Variants in LRRC37A2 observed in about 807,000 individuals in gnomAD.
LRRC37A2 encodes leucine rich repeat containing 37 member A2, also known as leucine-rich repeat-containing protein 37A2.
A neutral mutation model predicts 68.8 loss-of-function variants in LRRC37A2; 9 were observed. The observed-to-expected ratio is 0.13, with a 90% CI of 0.08 to 0.23. The LOEUF (loss-of-function observed/expected upper bound fraction) is 0.23. LRRC37A2 is among the 10% of genes least tolerant of loss of function. LRRC37A2 has a pLI of 1.00. For synonymous variants in LRRC37A2, 63 were observed against 367.6 expected (o/e 0.17, Z 9.48); for missense variants, 168 against 950.4 (o/e 0.18, Z 10.82).
chr17:46,605,960 A>AC, the LRRC37A2 span, among the ~76,000 whole-genome samples: 2 of 45,904 alleles, frequency 4.4e-5, no homozygotes, highest in Non-Finnish European at 6.4e-5. Context: ...GATCAGCCTG[A>AC]CCAACATGGA....
chr17:46,986,881 T>TGGAAGGGCA, the LRRC37A2 span, among the ~76,000 whole-genome samples: 29,849 of 151,704 alleles, frequency 0.2, 4,045 homozygotes, highest in East Asian at 0.6. Context: ...CAGATCAGAC[T>TGGAAGGGCA]GGAAGGGCAG....
chr17:46,755,332 G>T, the LRRC37A2 span: 1 of 1,613,730 alleles, frequency 6.2e-7, no homozygotes. Flanking sequence ...TGAATACCGT[G>T]TGAGAAAATT....
At chr17:46,942,700 G>A in the LRRC37A2 span, among the ~76,000 whole-genome samples, 10 of 152,258 alleles carry the variant, frequency 6.6e-5, no homozygotes, top group Non-Finnish European at 1.2e-4. Flanking sequence ...CTCAGGCCTT[G>A]CCCCTAGGGG....
At chr17:46,881,720 G>C in the LRRC37A2 span, among the ~76,000 whole-genome samples, 2 of 152,274 alleles carry the variant, frequency 1.3e-5, no homozygotes, top group Non-Finnish European at 2.9e-5. Context: ...ACAGTCACTA[G>C]GTGGGTACCC....
the LRRC37A2 span, among the ~76,000 whole-genome samples, chr17:46,568,987 G>C: frequency 8.0e-6 from 1 of 124,662 alleles, no homozygotes; most frequent in Admixed American, 8.4e-5. Context: ...CTGTCGCCCA[G>C]GCTGGGGTGC....
At chr17:46,987,481 A>G in the LRRC37A2 span, among the ~76,000 whole-genome samples, 1 of 152,226 alleles carries the variant, frequency 6.6e-6, no homozygotes, top group African/African-American at 2.4e-5. Context: ...ACAATAAGAA[A>G]AAAATTATAT....
chr17:46,897,687 G>A, the LRRC37A2 span, among the ~76,000 whole-genome samples: 1 of 151,888 alleles, frequency 6.6e-6, no homozygotes, highest in East Asian at 1.9e-4. Context: ...GGGTCTCACC[G>A]TCATGTTGCC....
the LRRC37A2 span, chr17:46,924,192 A>C: frequency 4.3e-6 from 1 of 234,022 alleles, no homozygotes; most frequent in Non-Finnish European, 8.2e-6. Context: ...TATTCTAGAT[A>C]CTTAATATAA....
the LRRC37A2 span, among the ~76,000 whole-genome samples, chr17:46,731,111 T>C: frequency 2.6e-5 from 4 of 152,114 alleles, no homozygotes; most frequent in Non-Finnish European, 5.9e-5. Flanking sequence ...ACTAAACATT[T>C]ATCTGATAAA....
At chr17:46,935,337 AGCCTGAAAGT>A in the LRRC37A2 span, 3 of 1,481,246 alleles carry the variant, frequency 2.0e-6, no homozygotes, top group South Asian at 4.2e-5. Flanking sequence ...AGTTATTGTG[AGCCTGAAAGT>A]ACCCAGTTCC....
At chr17:46,804,919 A>AC in the LRRC37A2 span, among the ~76,000 whole-genome samples, 248 of 57,476 alleles carry the variant, frequency 4.3e-3, no homozygotes, top group Middle Eastern at 0.012. Flanking sequence ...CTCCCCGCCC[A>AC]CCCCCCCCAC....
chr17:46,777,335 C>T, the LRRC37A2 span, among the ~76,000 whole-genome samples: 1 of 152,276 alleles, frequency 6.6e-6, no homozygotes. Context: ...TCGGGGGGCC[C>T]ATGCTGGCAA....
At chr17:46,767,179 C>T in the LRRC37A2 span, among the ~76,000 whole-genome samples, 1 of 152,248 alleles carries the variant, frequency 6.6e-6, no homozygotes, top group Middle Eastern at 3.4e-3. Flanking sequence ...GCTGTGGAAC[C>T]CAGGGCCAGT....
chr17:46,794,752 C>CTTTTT, the LRRC37A2 span, among the ~76,000 whole-genome samples: 2 of 129,286 alleles, frequency 1.5e-5, no homozygotes, highest in Admixed American at 8.0e-5. Flanking sequence ...CTTTCTTTTT[C>CTTTTT]TTTTTTTTTT....
the LRRC37A2 span, among the ~76,000 whole-genome samples, chr17:46,888,823 T>C: frequency 6.6e-6 from 1 of 152,308 alleles, no homozygotes; most frequent in African/African-American, 2.4e-5. Context: ...CCTGGTGCTG[T>C]GCAAAATGCT....
the LRRC37A2 span, among the ~76,000 whole-genome samples, chr17:46,761,751 C>G: frequency 6.6e-6 from 1 of 152,236 alleles, no homozygotes; most frequent in Non-Finnish European, 1.5e-5. Flanking sequence ...CTGAATAAAC[C>G]AAAGGTGACA....
the LRRC37A2 span, among the ~76,000 whole-genome samples, chr17:46,845,785 C>CT: frequency 8.5e-3 from 741 of 86,752 alleles, 5 homozygotes; most frequent in African/African-American, 0.011. Context: ...ACTGTGCTGG[C>CT]TTTTTTTTTT....
chr17:46,392,411 C>CTT, the LRRC37A2 span, among the ~76,000 whole-genome samples: 3 of 41,884 alleles, frequency 7.2e-5, no homozygotes, highest in African/African-American at 1.9e-4. Flanking sequence ...TTCTTTCTTT[C>CTT]TCTCTCTCTC....
At chr17:46,862,136 C>A in the LRRC37A2 span, among the ~76,000 whole-genome samples, 1 of 141,394 alleles carries the variant, frequency 7.1e-6, no homozygotes, top group African/African-American at 2.6e-5. Context: ...GCACTGAAGC[C>A]TGGGCAACAA....
Sources: allele counts gnomAD v4.1 joint callset (sites outside exome capture counted in the v4.1 genomes callset), GRCh38; gene constraint gnomAD v4.1.1; transcripts MANE v1.5; gene names NCBI Gene and HGNC (gene_info 2026-07-23, HGNC 2026-07-21).